Variants in WDR41 observed in about 807,000 individuals in gnomAD.
WDR41 encodes the protein WD repeat domain 41.
In WDR41, 63 loss-of-function variants were observed where a neutral mutation model predicts 69.3. The ratio of observed to expected loss-of-function variants is 0.91; its 90% CI spans 0.74 to 1.12. The LOEUF (loss-of-function observed/expected upper bound fraction) is 1.12. Ranked by LOEUF, WDR41 falls within the 50% of genes most tolerant of loss-of-function variation. The pLI, the probability that WDR41 is intolerant of heterozygous loss-of-function variation, is 0.00. For synonymous variants in WDR41, 185 were observed against 192.1 expected (o/e 0.96, Z 0.31); for missense variants, 543 against 534.5 (o/e 1.02, Z -0.16).
chr5:77,434,774 C>CT (rs1223657957), intron 12 of WDR41, among the ~76,000 whole-genome samples: 1 of 152,094 alleles, frequency 6.6e-6, no homozygotes, highest in Non-Finnish European at 1.5e-5. Flanking sequence ...GCTGGAGATG[C>CT]TTTTTAAAAG....
intron 1 of WDR41, among the ~76,000 whole-genome samples, chr5:77,503,672 C>T (rs2112158003): frequency 6.6e-6 from 1 of 152,312 alleles, no homozygotes; most frequent in East Asian, 1.9e-4. Context: ...TCTCAAAAAA[C>T]TGTCTCTCAG....
chr5:77,617,232 TA>T (rs1561241534), intron 1 of WDR41, among the ~76,000 whole-genome samples: 1 of 152,238 alleles, frequency 6.6e-6, no homozygotes, highest in Non-Finnish European at 1.5e-5. Flanking sequence ...CTATTGATTT[TA>T]TCTAACTTAA....
intron 1 of WDR41, among the ~76,000 whole-genome samples, chr5:77,610,945 A>G (rs555053690): frequency 1.3e-5 from 2 of 152,322 alleles, no homozygotes; most frequent in Admixed American, 6.5e-5. Flanking sequence ...GGCTCAAAAT[A>G]AAAGGATGGA....
chr5:77,594,662 T>C (rs2112313219), intron 1 of WDR41, among the ~76,000 whole-genome samples: 1 of 152,268 alleles, frequency 6.6e-6, no homozygotes, highest in Admixed American at 6.5e-5. Flanking sequence ...AGGCTAGAAG[T>C]CTACTTCTAG....
chr5:77,486,930 C>T (rs1457767881), intron 2 of WDR41, among the ~76,000 whole-genome samples: 1 of 152,218 alleles, frequency 6.6e-6, no homozygotes, highest in Admixed American at 6.5e-5. Flanking sequence ...TGGCTTTTTA[C>T]TCTTTACAGA....
At chr5:77,435,684 C>T (rs1057430972) in intron 12 of WDR41, among the ~76,000 whole-genome samples, 1 of 152,132 alleles carries the variant, frequency 6.6e-6, no homozygotes, top group African/African-American at 2.4e-5. Flanking sequence ...GATCTTATTC[C>T]TTCACTACAG....
At chr5:77,558,446 G>A (rs1460233358) in intron 1 of WDR41, among the ~76,000 whole-genome samples, 3 of 152,110 alleles carry the variant, frequency 2.0e-5, no homozygotes, top group Admixed American at 6.5e-5. Context: ...GCAGATTGCC[G>A]CATTCACCAA....
intron 1 of WDR41, among the ~76,000 whole-genome samples, chr5:77,587,445 C>T (rs73127928): frequency 0.049 from 7,472 of 152,194 alleles, 298 homozygotes; most frequent in South Asian, 0.13. Context: ...AAGTTTTGTA[C>T]GAACATATAC....
intron 4 of WDR41, among the ~76,000 whole-genome samples, chr5:77,461,908 G>A (rs1800084694): frequency 6.6e-6 from 1 of 151,940 alleles, no homozygotes; most frequent in East Asian, 1.9e-4. Context: ...GTTATCCATA[G>A]CACTTGACTC....
chr5:77,559,540 A>T (rs1743480680), intron 1 of WDR41, among the ~76,000 whole-genome samples: 1 of 151,996 alleles, frequency 6.6e-6, no homozygotes, highest in Non-Finnish European at 1.5e-5. Context: ...AGAATTCAAT[A>T]TATGGACATG....
At position 77,449,746 on chromosome 5, in the gene WDR41, C is replaced by T; in HGVS notation, c.697+14G>A. ...CACAAAACTGTACATAATAAATGTA[C>T]ACAATGAGCTTACCATTGACATTAA... On this transcript the variant is annotated intron_variant, in intron 8 of 12. Transcript: ENST00000296679. 6.4e-7 allele frequency: 1 copy of T among 1,557,942 alleles called. No individual in the cohort carries two copies. Among genetic ancestry groups the T allele is most frequent in the Non-Finnish European group, 8.8e-7 (1 of 1,129,948 alleles).
chr5:77,440,216 T>C (rs1799105025), intron 9 of WDR41, among the ~76,000 whole-genome samples: 3 of 152,208 alleles, frequency 2.0e-5, no homozygotes, highest in Non-Finnish European at 4.4e-5. Context: ...TGTGATTACA[T>C]TTAGAAAAGT....
intron 1 of WDR41, among the ~76,000 whole-genome samples, chr5:77,616,983 C>T (rs907478927): frequency 1.3e-5 from 2 of 152,172 alleles, no homozygotes; most frequent in East Asian, 1.9e-4. Flanking sequence ...ATTTCTTCAA[C>T]GGCCTTCAGG....
At chr5:77,447,676 T>C (rs1212609930) in intron 8 of WDR41, among the ~76,000 whole-genome samples, 1 of 151,836 alleles carries the variant, frequency 6.6e-6, no homozygotes, top group African/African-American at 2.4e-5. Context: ...GAACAGAAAA[T>C]CAAATGCCGC....
intron 1 of WDR41, among the ~76,000 whole-genome samples, chr5:77,610,214 C>A (rs1469347564): frequency 6.6e-6 from 1 of 152,162 alleles, no homozygotes; most frequent in Non-Finnish European, 1.5e-5. Context: ...GAGAATGGAA[C>A]CAAGTTGGAA....
In WDR41 at chr5:77,537,210, C is replaced by G. The variant is rs541210918; in HGVS notation, c.43-47638G>C. 3.1e-4 allele frequency among the ~76,000 whole-genome samples: 47 copies of G among 152,328 alleles called. 1 individual carries two copies. In the South Asian group the frequency reaches 9.1e-3, roughly 30 times the overall value. ...AATTTAGGTTCCATGAGAGCAACCA[C>G]TGTTAACCATTGCGTTCGGAAAATG... On this transcript the variant is annotated intron_variant, in intron 1 of 5. Coordinates refer to the WDR41 transcript ENST00000509971.
chr5:77,461,310 T>C (rs1279025415), intron 4 of WDR41, among the ~76,000 whole-genome samples: 1 of 152,180 alleles, frequency 6.6e-6, no homozygotes, highest in African/African-American at 2.4e-5. Context: ...TGTATGTATA[T>C]ATGTATGTAT....
chr5:77,431,931 C>T lies in WDR41; in HGVS notation c.*1204G>A, dbSNP rs1371235337. 1 of 152,166 alleles carries T rather than the reference C, an allele frequency of 6.6e-6. No homozygotes were observed. The highest frequency in any genetic ancestry group is 1.5e-5 in the Non-Finnish European group (1 of 68,040). 9.4% of individuals were successfully genotyped at this position (152,166 alleles called of 1,614,324 possible). Reference sequence around the variant, plus strand: ...CTGTTTTTAGAGCTGCTTGGTGATACTGGGCACTACAGATTTAATTGCAAG... The same window carrying T: ...CTGTTTTTAGAGCTGCTTGGTGATATTGGGCACTACAGATTTAATTGCAAG... On this transcript the variant is annotated 3_prime_UTR_variant, in exon 13 of 13. Coordinates refer to ENST00000296679, the MANE Select transcript of WDR41 (RefSeq NM_018268.4).
intron 1 of WDR41, among the ~76,000 whole-genome samples, chr5:77,555,085 T>G: frequency 7.1e-6 from 1 of 141,050 alleles, no homozygotes; most frequent in Admixed American, 7.1e-5. Flanking sequence ...AGACCCTGTT[T>G]CAAAAAAAAA....
Sources: gnomAD v4.1 joint callset for allele counts (sites outside exome capture counted in the v4.1 genomes callset) on GRCh38, gnomAD v4.1.1 for gene constraint, MANE v1.5 for transcripts, NCBI Gene and HGNC (gene_info 2026-07-23, HGNC 2026-07-21) for gene names.